PKP4: variants seen among roughly 807,000 people sequenced by gnomAD.
The protein encoded by PKP4 is plakophilin 4, also known as plakophilin-4.
Under a neutral mutation model 145.1 loss-of-function variants are expected in PKP4, and 90 were observed. That is an observed-to-expected ratio of 0.62 (90% confidence interval 0.52 to 0.74). The LOEUF is 0.74. Ranked by LOEUF, PKP4 falls within the 30% of genes least tolerant of loss-of-function variation. PKP4 has a pLI of 0.00. For missense variants in PKP4, 1,340 were observed against 1,482.7 expected, an observed-to-expected ratio of 0.90 and a Z score of 1.58; for synonymous variants, 563 against 577.2, an observed-to-expected ratio of 0.98 and a Z score of 0.35.
At chr2:158,496,197 T>C (rs1179788368) in intron 1 of PKP4, among the ~76,000 whole-genome samples, 1 of 152,020 alleles carries the variant, frequency 6.6e-6, no homozygotes, top group Non-Finnish European at 1.5e-5. Context: ...GTCAGGCTGG[T>C]CTGGAACTCC....
chr2:158,567,012 C>T (rs1023456180), intron 2 of PKP4, among the ~76,000 whole-genome samples: 4 of 152,234 alleles, frequency 2.6e-5, no homozygotes, highest in East Asian at 1.9e-4. Flanking sequence ...ATATGCAGGA[C>T]GTGATGTCTG....
At chr2:158,645,542 G>A (rs929798541) in intron 11 of PKP4, among the ~76,000 whole-genome samples, 12 of 152,088 alleles carry the variant, frequency 7.9e-5, no homozygotes, top group Non-Finnish European at 1.3e-4. Flanking sequence ...TAGTAACACC[G>A]TGCAGCCAGG....
rs186686193 is a variant in PKP4 at position 158,628,473 on chromosome 2, A to T, written c.1153+3046A>T. 2.2e-3 allele frequency among the ~76,000 whole-genome samples: 337 copies of T among 152,270 alleles called. 1 individual carries two copies. The highest frequency in any genetic ancestry group is 4.0e-3 in the Non-Finnish European group (273 of 68,020). On this transcript the variant is annotated intron_variant, in intron 7 of 21. Transcript: ENST00000389759. ...TTTAAACACACGAGCGGGTAAACAA[A>T]AATAGTTTACTACTATTTATTATGT...
chr2:158,661,580 A>G, intron 13 of PKP4, 130 bp downstream of exon 13: 1 of 642,100 alleles, frequency 1.6e-6, no homozygotes, highest in Non-Finnish European at 2.8e-6. Context: ...TCTCCAGATC[A>G]AAGGGCAAGT....
chr2:158,548,298 A>G (rs976021912), intron 2 of PKP4: 1 of 152,222 alleles, frequency 6.6e-6, no homozygotes, highest in Admixed American at 6.5e-5. Flanking sequence ...ATTTGTGCAT[A>G]AGTAAAATTT....
At chr2:158,649,277 G>C (rs76730829) in intron 11 of PKP4, among the ~76,000 whole-genome samples, 2 of 152,232 alleles carry the variant, frequency 1.3e-5, no homozygotes, top group East Asian at 3.9e-4. Flanking sequence ...TGTCCAGGCT[G>C]GAGGTGTTTC....
At chr2:158,489,221 A>T (rs1212322164) in intron 1 of PKP4, among the ~76,000 whole-genome samples, 1 of 151,614 alleles carries the variant, frequency 6.6e-6, no homozygotes, top group African/African-American at 2.4e-5. Context: ...AAATCTTTTG[A>T]TATTATTTCT....
chr2:158,531,007 C>T (rs1416635346), intron 1 of PKP4, among the ~76,000 whole-genome samples: 1 of 152,108 alleles, frequency 6.6e-6, no homozygotes, highest in Non-Finnish European at 1.5e-5. Context: ...TATGTTGCTG[C>T]ATCAGCTAGG....
chr2:158,501,047 T>C (rs1696483359), intron 1 of PKP4, among the ~76,000 whole-genome samples: 1 of 152,246 alleles, frequency 6.6e-6, no homozygotes, highest in South Asian at 2.1e-4. Flanking sequence ...AGGTGGATTT[T>C]AGATTAGACT....
chr2:158,495,827 C>T (rs1249429406), intron 1 of PKP4, among the ~76,000 whole-genome samples: 1 of 132,908 alleles, frequency 7.5e-6, no homozygotes, highest in Non-Finnish European at 1.6e-5. Context: ...GAGCAAGACT[C>T]TGTCTCTAAA....
At chr2:158,546,207 A>G (rs1048309278) in intron 2 of PKP4, among the ~76,000 whole-genome samples, 2 of 152,246 alleles carry the variant, frequency 1.3e-5, no homozygotes. Flanking sequence ...GATTTCAAAT[A>G]TTAATCTTTT....
intron 1 of PKP4, among the ~76,000 whole-genome samples, chr2:158,459,761 AATTGAAAACCC>A (rs1689470488): frequency 6.6e-6 from 1 of 151,560 alleles, no homozygotes; most frequent in Non-Finnish European, 1.5e-5. Context: ...CCGCATTAGA[AATTGAAAACCC>A]TGTTCAGATG....
At chr2:158,626,099 A>G (rs958393554) in intron 7 of PKP4, among the ~76,000 whole-genome samples, 1 of 152,248 alleles carries the variant, frequency 6.6e-6, no homozygotes, top group African/African-American at 2.4e-5. Context: ...GTTTTAAATT[A>G]TATTTTAAAA....
At chr2:158,547,409 A>C (rs956511132) in intron 2 of PKP4, among the ~76,000 whole-genome samples, 1 of 152,232 alleles carries the variant, frequency 6.6e-6, no homozygotes, top group Non-Finnish European at 1.5e-5. Context: ...CCAAACATAA[A>C]AGAGTACGTA....
Position 158,669,768 on chromosome 2 carries a change from G to A in PKP4, c.2777G>A (p.Gly926Asp). The change falls in exon 17 of 22, where the codon GGC becomes GAC. Residue 926 changes from glycine to aspartate, a missense_variant. Transcript: ENST00000389759. ...GTCAACCGGCTCCCCGGCGGCAATG[G>A]CCCCAGTGTCTTGTCTGATGAGACC... is the stretch of plus-strand genomic sequence containing the variant. ...DLVNRLPGGNGPSVLSDETMA... is the reference protein window; with the variant it reads ...DLVNRLPGGNDPSVLSDETMA... 6.2e-7 allele frequency: 1 copy of A among 1,607,580 alleles called. No individual in the cohort carries two copies. Among genetic ancestry groups the A allele is most frequent in the African/African-American group, 1.3e-5 (1 of 74,952 alleles).
At chr2:158,621,201 T>C (rs376197709) in intron 5 of PKP4, 30 bp from the exon 6 acceptor site, 2 of 1,613,222 alleles carry the variant, frequency 1.2e-6, no homozygotes, top group African/African-American at 2.7e-5. Context: ...GTGTGTATAA[T>C]AAAGATATTT....
At chr2:158,675,065 G>A (rs910864751) in intron 19 of PKP4, among the ~76,000 whole-genome samples, 1 of 152,146 alleles carries the variant, frequency 6.6e-6, no homozygotes, top group African/African-American at 2.4e-5. Context: ...TCCTTGCTAA[G>A]CTCCCAGGTA....
chr2:158,458,654 C>CGA (rs1321643763), intron 1 of PKP4, among the ~76,000 whole-genome samples: 1 of 152,078 alleles, frequency 6.6e-6, no homozygotes, highest in Non-Finnish European at 1.5e-5. Context: ...GCATGTACTG[C>CGA]GAGAGAGATC....
chr2:158,490,085 G>T (rs908153794), intron 1 of PKP4, among the ~76,000 whole-genome samples: 5 of 152,062 alleles, frequency 3.3e-5, no homozygotes, highest in Non-Finnish European at 7.3e-5. Context: ...ATATAAAACC[G>T]TGAGATTTAT....
Sources: allele counts gnomAD v4.1 joint callset (sites outside exome capture counted in the v4.1 genomes callset), GRCh38; gene constraint gnomAD v4.1.1; transcripts MANE v1.5; gene names NCBI Gene and HGNC (gene_info 2026-07-23, HGNC 2026-07-21).